Variants in EPHA6 observed in about 807,000 individuals in gnomAD.
EPHA6 encodes ephrin type-A receptor 6.
EPHA6 carries 50 observed loss-of-function variants against 112.0 expected under a neutral mutation model. That is an observed-to-expected ratio of 0.45 (90% CI 0.36 to 0.56). The LOEUF is 0.56. EPHA6 is among the 20% of genes least tolerant of loss of function. The pLI, the probability that EPHA6 is intolerant of heterozygous loss-of-function variation, is 0.00. For synonymous variants in EPHA6, 529 were observed against 490.7 expected, an observed-to-expected ratio of 1.08 and a Z score of -1.03; for missense variants, 1,280 against 1,417.4, an observed-to-expected ratio of 0.90 and a Z score of 1.56.
chr3:97,639,084 G>T (rs961636412), intron 14 of EPHA6, among the ~76,000 whole-genome samples: 1 of 151,904 alleles, frequency 6.6e-6, no homozygotes, highest in African/African-American at 2.4e-5. Context: ...TTGTAGAAAT[G>T]TTATCTATTA....
intron 14 of EPHA6, among the ~76,000 whole-genome samples, chr3:97,658,871 C>G (rs1255136603): frequency 6.6e-6 from 1 of 151,898 alleles, no homozygotes; most frequent in Non-Finnish European, 1.5e-5. Flanking sequence ...GGTGTGCCCT[C>G]TTGTGGTGAA....
chr3:97,564,379 T>A (rs1292166823), intron 11 of EPHA6, among the ~76,000 whole-genome samples: 1 of 152,162 alleles, frequency 6.6e-6, no homozygotes, highest in East Asian at 1.9e-4. Flanking sequence ...CCATATTTTA[T>A]AATAGTCATA....
chr3:96,836,417 G>A (rs1309609977), intron 1 of EPHA6, among the ~76,000 whole-genome samples: 1 of 152,064 alleles, frequency 6.6e-6, no homozygotes. Flanking sequence ...TTGGTAAAGT[G>A]CTGATAATCC....
chr3:97,281,201 A>ATGTGTGTGTGTGTG (rs10547257), intron 5 of EPHA6, among the ~76,000 whole-genome samples: 9 of 140,564 alleles, frequency 6.4e-5, no homozygotes, highest in African/African-American at 2.6e-4. Flanking sequence ...CAAAGAGTCT[A>ATGTGTGTGTGTGTG]TGTGTGTGTG....
At chr3:96,941,941 A>C (rs2040975972) in intron 2 of EPHA6, among the ~76,000 whole-genome samples, 1 of 152,044 alleles carries the variant, frequency 6.6e-6, no homozygotes, top group Non-Finnish European at 1.5e-5. Flanking sequence ...ATTTTCATGA[A>C]CGCAAATGCT....
chr3:97,316,422 A>C (rs995573439), intron 5 of EPHA6, among the ~76,000 whole-genome samples: 2 of 151,886 alleles, frequency 1.3e-5, no homozygotes, highest in African/African-American at 4.8e-5. Flanking sequence ...AGATGAAATA[A>C]ATAGTGTTCC....
At chr3:96,870,376 TAAG>T (rs562695914) in intron 2 of EPHA6, among the ~76,000 whole-genome samples, 4 of 152,068 alleles carry the variant, frequency 2.6e-5, no homozygotes, top group Non-Finnish European at 5.9e-5. Context: ...TGTCGCAGCT[TAAG>T]AAGAAGGAGC....
rs561498199 is a variant in EPHA6, at chr3:97,580,718, C to G, written c.2387-11894C>G. ...AGTCAGGCTTCTTTGAGTCTGTTTC[C>G]GTTTTCTCCCTATTATCAGGAATGA... On this transcript the variant is annotated intron_variant, in intron 11 of 17. Coordinates refer to ENST00000389672, the MANE Select transcript of EPHA6 (RefSeq NM_001080448.3). 5.9e-5 allele frequency among the ~76,000 whole-genome samples: 9 copies of G among 152,212 alleles called. No homozygotes were observed. The South Asian group carries it at 1.9e-3, about 32-fold the overall frequency.
At chr3:96,839,754 A>C (rs1257345965) in intron 1 of EPHA6, among the ~76,000 whole-genome samples, 1 of 152,072 alleles carries the variant, frequency 6.6e-6, no homozygotes, top group African/African-American at 2.4e-5. Flanking sequence ...AGCTTTCTTA[A>C]AATTTGGTAG....
In EPHA6 at chr3:97,448,693, C is replaced by A. The variant is rs1384478160; in HGVS notation, c.1857C>A (p.Gly619=). The change falls in exon 7 of 18, where the codon GGC becomes GGA. Residue 619 remains glycine, a synonymous_variant. Transcript: ENST00000389672. ...TGAGAACTGCGACAGGATACAGTGGCTACAGTCAGAAATTTGAATTTGAAA... is the reference window on the plus strand; with the variant it reads ...TGAGAACTGCGACAGGATACAGTGGATACAGTCAGAAATTTGAATTTGAAA... The part of the protein sequence containing the change: ...IRVRTATGYS[G]YSQKFEFETG... 2 of 1,613,432 alleles carry A rather than the reference C, an allele frequency of 1.2e-6. No homozygotes were observed. Among genetic ancestry groups the A allele is most frequent in the Non-Finnish European group, 1.7e-6 (2 of 1,179,536 alleles).
intron 9 of EPHA6, among the ~76,000 whole-genome samples, chr3:97,480,804 C>T (rs962377412): frequency 9.3e-4 from 139 of 149,484 alleles, no homozygotes; most frequent in Admixed American, 4.6e-3. Context: ...CCAGATGGGG[C>T]GGCTGCCGAG....
At chr3:97,369,580 G>T (rs541175282) in intron 5 of EPHA6, among the ~76,000 whole-genome samples, 1 of 152,258 alleles carries the variant, frequency 6.6e-6, no homozygotes, top group East Asian at 1.9e-4. Context: ...GACTGGTTTG[G>T]TATGAGCTTC....
chr3:97,689,668 A>G (rs1211426318), intron 14 of EPHA6, among the ~76,000 whole-genome samples: 1 of 152,176 alleles, frequency 6.6e-6, no homozygotes, highest in Non-Finnish European at 1.5e-5. Flanking sequence ...AGAAATGTCG[A>G]TCATTTAAAG....
intron 2 of EPHA6, among the ~76,000 whole-genome samples, chr3:96,961,382 C>A (rs1312584992): frequency 2.0e-5 from 3 of 152,324 alleles, no homozygotes; most frequent in African/African-American, 7.2e-5. Context: ...ATTGCACAGT[C>A]AGATCCTGGT....
At chr3:97,205,318 T>G (rs917029625) in intron 3 of EPHA6, among the ~76,000 whole-genome samples, 6 of 152,042 alleles carry the variant, frequency 3.9e-5, no homozygotes, top group African/African-American at 1.4e-4. Context: ...TTGAAAAACT[T>G]AAACATGTTT....
At chr3:97,684,211 C>A (rs2032082916) in intron 14 of EPHA6, among the ~76,000 whole-genome samples, 1 of 151,872 alleles carries the variant, frequency 6.6e-6, no homozygotes, top group Admixed American at 6.6e-5. Flanking sequence ...TCATATTTAG[C>A]AAATATTTTT....
At chr3:96,942,565 G>A (rs945859580) in intron 2 of EPHA6, among the ~76,000 whole-genome samples, 1 of 152,214 alleles carries the variant, frequency 6.6e-6, no homozygotes. Flanking sequence ...TGCGCTTCCC[G>A]AGTGAGGCAA....
intron 5 of EPHA6, among the ~76,000 whole-genome samples, chr3:97,372,805 A>T (rs1263918554): frequency 2.0e-5 from 3 of 152,118 alleles, no homozygotes; most frequent in Non-Finnish European, 1.5e-5. Context: ...TGTTTAAGTG[A>T]TCTATCTGTA....
At chr3:97,071,412 A>T (rs2046352208) in intron 3 of EPHA6, among the ~76,000 whole-genome samples, 1 of 151,982 alleles carries the variant, frequency 6.6e-6, no homozygotes. Context: ...CATACCATAG[A>T]CTGGGAAGAA....
Sources: allele counts gnomAD v4.1 joint callset (sites outside exome capture counted in the v4.1 genomes callset), GRCh38; gene constraint gnomAD v4.1.1; transcripts MANE v1.5; gene names NCBI Gene and HGNC (gene_info 2026-07-23, HGNC 2026-07-21).